PPARGC1A: variants seen among roughly 807,000 people sequenced by gnomAD.
The protein encoded by PPARGC1A is peroxisome proliferator-activated receptor gamma coactivator 1-alpha.
PPARGC1A carries 25 observed loss-of-function variants against 88.7 expected under a neutral mutation model. The observed-to-expected ratio is 0.28, with a 90% CI of 0.21 to 0.39. The LOEUF is 0.39. Among genes scored for constraint, PPARGC1A ranks in the 10% least tolerant of loss-of-function variants. The pLI is 1.00. For synonymous variants in PPARGC1A, 363 were observed against 355.6 expected, an observed-to-expected ratio of 1.02 and a Z score of -0.24; for missense variants, 880 against 968.7, an observed-to-expected ratio of 0.91 and a Z score of 1.22.
chr4:24,107,505 A>T, the PPARGC1A span, among the ~76,000 whole-genome samples: 1 of 152,234 alleles, frequency 6.6e-6, no homozygotes, highest in Non-Finnish European at 1.5e-5. Flanking sequence ...TACCAGGTCC[A>T]GATGAAATAG....
At chr4:23,828,318 A>T in intron 5 of PPARGC1A, 82 bp downstream of exon 5, 1 of 1,387,640 alleles carries the variant, frequency 7.2e-7, no homozygotes, top group Non-Finnish European at 1.0e-6. Context: ...GGAAGCAAGA[A>T]GTTGGTGTGT....
upstream of PPARGC1A, among the ~76,000 whole-genome samples, chr4:23,892,544 G>GTT (rs34009315): frequency 8.7e-4 from 126 of 144,126 alleles, no homozygotes; most frequent in East Asian, 8.6e-3. Flanking sequence ...CTTCAGTCCA[G>GTT]TTTTTTTTTT....
the PPARGC1A span, among the ~76,000 whole-genome samples, chr4:24,232,947 A>C: frequency 6.6e-6 from 1 of 152,188 alleles, no homozygotes. Flanking sequence ...GGTCAAAGAC[A>C]GGTAAGTGTG....
chr4:24,421,190 A>G, the PPARGC1A span, among the ~76,000 whole-genome samples: 1 of 152,222 alleles, frequency 6.6e-6, no homozygotes, highest in African/African-American at 2.4e-5. Context: ...ATCCAGTTGT[A>G]TTTGAATTTC....
chr4:24,101,281 G>C, the PPARGC1A span, among the ~76,000 whole-genome samples: 1 of 152,150 alleles, frequency 6.6e-6, no homozygotes. Context: ...AAAGGTGCCT[G>C]CTTCTCCTGC....
upstream of PPARGC1A, among the ~76,000 whole-genome samples, chr4:23,901,882 G>C (rs1424739998): frequency 6.6e-6 from 1 of 152,046 alleles, no homozygotes; most frequent in Non-Finnish European, 1.5e-5. Context: ...GATATTTAAG[G>C]GTTTTTTTTT....
chr4:23,983,697 G>A, the PPARGC1A span, among the ~76,000 whole-genome samples: 37 of 152,176 alleles, frequency 2.4e-4, no homozygotes, highest in African/African-American at 8.7e-4. Flanking sequence ...GGGAGGAAGA[G>A]AGGTAGGTAG....
At chr4:24,144,361 T>A in the PPARGC1A span, among the ~76,000 whole-genome samples, 5 of 152,128 alleles carry the variant, frequency 3.3e-5, no homozygotes, top group Admixed American at 6.5e-5. Flanking sequence ...TAAGGAAAAC[T>A]CTGATGGAGA....
chr4:24,237,559 G>A, the PPARGC1A span, among the ~76,000 whole-genome samples: 16 of 152,210 alleles, frequency 1.1e-4, no homozygotes, highest in Non-Finnish European at 2.1e-4. Context: ...AATGGAGTTC[G>A]ATACCCGTAA....
the PPARGC1A span, among the ~76,000 whole-genome samples, chr4:24,162,904 T>C: frequency 6.6e-6 from 1 of 152,014 alleles, no homozygotes; most frequent in Non-Finnish European, 1.5e-5. Context: ...CTTACTTCCT[T>C]CTTATTGGCA....
chr4:23,875,320 TC>T (rs1714474760), intron 2 of PPARGC1A, among the ~76,000 whole-genome samples: 1 of 152,172 alleles, frequency 6.6e-6, no homozygotes, highest in Non-Finnish European at 1.5e-5. Context: ...TATCCCTAGC[TC>T]TTTTTTTGAG....
the PPARGC1A span, among the ~76,000 whole-genome samples, chr4:24,395,907 T>C: frequency 6.6e-6 from 1 of 152,192 alleles, no homozygotes; most frequent in Non-Finnish European, 1.5e-5. Flanking sequence ...CAATATTCTT[T>C]AAAAAATAAT....
the PPARGC1A span, among the ~76,000 whole-genome samples, chr4:24,461,916 T>G: frequency 4.6e-5 from 7 of 152,072 alleles, no homozygotes; most frequent in African/African-American, 1.7e-4. Context: ...GTAAACTCCC[T>G]CTTCTCCAAA....
chr4:24,167,984 T>G, the PPARGC1A span, among the ~76,000 whole-genome samples: 3 of 152,116 alleles, frequency 2.0e-5, no homozygotes, highest in African/African-American at 7.2e-5. Context: ...CTTGAACTCC[T>G]GCTCAAGCAG....
the PPARGC1A span, among the ~76,000 whole-genome samples, chr4:24,127,742 G>A: frequency 3.3e-5 from 5 of 151,936 alleles, no homozygotes; most frequent in Non-Finnish European, 7.4e-5. Flanking sequence ...TGTTTCATAA[G>A]CATCAATAAA....
chr4:24,331,297 AC>A, the PPARGC1A span, among the ~76,000 whole-genome samples: 1 of 152,080 alleles, frequency 6.6e-6, no homozygotes, highest in Admixed American at 6.5e-5. Context: ...TTAGCTTTCA[AC>A]CTGAGCTGCT....
chr4:23,876,253 G>T (rs936853845), intron 2 of PPARGC1A, among the ~76,000 whole-genome samples: 1 of 152,092 alleles, frequency 6.6e-6, no homozygotes, highest in African/African-American at 2.4e-5. Context: ...AGTGACTATT[G>T]GTAATAATAC....
chr4:23,812,459 A>G (rs1303599591), intron 10 of PPARGC1A, among the ~76,000 whole-genome samples: 1 of 151,754 alleles, frequency 6.6e-6, no homozygotes, highest in Admixed American at 6.6e-5. Flanking sequence ...TATCTGACTG[A>G]AAAAAAAATC....
the PPARGC1A span, among the ~76,000 whole-genome samples, chr4:24,424,258 C>CTTTTTT: frequency 8.3e-3 from 370 of 44,346 alleles, 102 homozygotes; most frequent in South Asian, 0.014. Context: ...TATACACACA[C>CTTTTTT]TTTTTTTTTT....
Sources: allele counts gnomAD v4.1 joint callset (sites outside exome capture counted in the v4.1 genomes callset), GRCh38; gene constraint gnomAD v4.1.1; transcripts MANE v1.5; gene names NCBI Gene and HGNC (gene_info 2026-07-23, HGNC 2026-07-21).